The following KMT2D variants were observed in gnomAD, a reference collection of about 807,000 sequenced individuals.
The protein encoded by KMT2D is lysine methyltransferase 2D, also known as histone-lysine N-methyltransferase 2D.
KMT2D carries 55 observed loss-of-function variants against 512.7 expected under a neutral mutation model. The ratio of observed to expected loss-of-function variants is 0.11; its 90% confidence interval spans 0.09 to 0.13. The LOEUF is 0.13. KMT2D is among the 10% of genes least tolerant of loss of function. KMT2D has a pLI of 1.00. For synonymous variants in KMT2D, 2,995 were observed against 2,904.0 expected, an observed-to-expected ratio of 1.03 and a Z score of -1.01; for missense variants, 6,061 against 7,127.9, an observed-to-expected ratio of 0.85 and a Z score of 5.39.
At position 49,046,174 on chromosome 12, in the gene KMT2D, C is replaced by T. The variant is rs1195274152; in HGVS notation, c.4584G>A (p.Arg1528=). The T allele has an allele frequency of 3.1e-6, 5 of 1,611,814 alleles. No homozygotes were observed. Among genetic ancestry groups the T allele is most frequent in the African/African-American group, 1.3e-5 (1 of 75,000 alleles). Reference sequence around the variant, plus strand: ...GGCTCTCACAGCCTGCATGCATCCACCTGGAGAACAGAGACTGGAGGAAAT... The same window carrying T: ...GGCTCTCACAGCCTGCATGCATCCATCTGGAGAACAGAGACTGGAGGAAAT... ...DLLIQCRHCE[R]WMHAGCESLF... is the part of the protein sequence containing the mutation. The change falls in exon 18 of 55, where the codon CGG becomes CGA. Residue 1528 remains arginine (R), a splice_region_variant and synonymous_variant. Transcript: ENST00000301067. This position sits in a 1 kb window ranked among gnomAD's most constrained non-coding sequence, Gnocchi z 4.2.
At position 49,043,682 on chromosome 12, in the gene KMT2D, T is replaced by A. The variant is rs2120571834; in HGVS notation, c.5420A>T (p.Lys1807Met). ...CTTCCTTTCTGAGCCTCCATCTCCC[T>A]TGGCTTTTGGGGTCCCTAGTCCAAA... Reference protein sequence around the residue: ...PSFGLGTPKAKGDGGSERKEL... With the variant: ...PSFGLGTPKAMGDGGSERKEL... The change falls in exon 24 of 55, where the codon AAG (lysine) becomes ATG (methionine). Residue 1807 changes from lysine to methionine, a missense_variant. By Grantham distance (95) the Lys-to-Met change is moderately conservative (BLOSUM62 -1). Coordinates refer to ENST00000301067, the MANE Select transcript of KMT2D (RefSeq NM_003482.4). 11 of 1,614,028 alleles carry A rather than the reference T, an allele frequency of 6.8e-6. No individual in the cohort carries two copies. The highest frequency in any genetic ancestry group is 8.5e-6 in the Non-Finnish European group (10 of 1,179,876).
At position 49,046,914 on chromosome 12, in the gene KMT2D, C is replaced by T. The variant is rs12302633; in HGVS notation, c.4237-124G>A. 4 of 783,844 alleles carry T rather than the reference C, an allele frequency of 5.1e-6. No homozygotes were observed. Among genetic ancestry groups the T allele is most frequent in the Non-Finnish European group, 6.0e-6 (3 of 502,696 alleles). The allele number at this position is 783,844 out of a possible 1,614,324, so 48.6% of individuals were successfully genotyped here. ...AGGCTGGAGTGCAATGGCGCGATCTCGGCTCACTGCAACCTCTGCCTCTCA... is the reference window on the plus strand; with the variant it reads ...AGGCTGGAGTGCAATGGCGCGATCTTGGCTCACTGCAACCTCTGCCTCTCA... On this transcript the variant is annotated intron_variant, in intron 15 of 54. Transcript: ENST00000301067. The surrounding 1 kb of genome is among the most constrained non-coding windows in gnomAD (Gnocchi z 4.2).
intron 12 of KMT2D, 61 bp from the exon 13 acceptor site, chr12:49,049,279 C>G: frequency 9.6e-7 from 1 of 1,041,844 alleles, no homozygotes; most frequent in Non-Finnish European, 1.4e-6. Flanking sequence ...TGGGTTTACA[C>G]ACTTGAACAG....
rs1379896543 is a variant in KMT2D, at chr12:49,037,654, G to C, written c.9702C>G (p.Asp3234Glu). The change falls in exon 35 of 55, where the codon GAC becomes GAG. Residue 3234 changes from aspartate to glutamate, a missense_variant. This residue lies in a region of KMT2D where 533 missense variants were observed against 539.6 expected (regional missense o/e 0.99). Coordinates refer to ENST00000301067, the MANE Select transcript of KMT2D (RefSeq NM_003482.4). ...GGPAASGDELDKMESSLVASE... is the reference protein window; with the variant it reads ...GGPAASGDELEKMESSLVASE... ...TGGCTACCAGTGAGCTCTCCATCTT[G>C]TCTAGCTCATCCCCAGATGCTGCAG... is the stretch of plus-strand genomic sequence containing the variant. 6.3e-7 allele frequency: 1 copy of C among 1,578,290 alleles called. No homozygotes were observed. The highest frequency in any genetic ancestry group is 8.6e-7 in the Non-Finnish European group (1 of 1,161,838).
In KMT2D at chr12:49,032,894, CTGCTGT is replaced by C. The variant is rs1435852179; in HGVS notation, c.11805_11810del (p.Gln3938_Gln3939del). On this transcript the variant is annotated inframe_deletion, in exon 40 of 55. Transcript: ENST00000301067. Reference sequence around the variant, plus strand: ...GCTGCTGCTGTTGTTGAAGCTGCTGCTGCTGTTGCTGCTGTTGAAGCTGTTGCTGCT... The same window carrying C: ...GCTGCTGCTGTTGTTGAAGCTGCTGCTGCTGCTGTTGAAGCTGTTGCTGCT... 3.2e-6 allele frequency: 5 copies of C among 1,549,802 alleles called. No homozygotes were observed. Among genetic ancestry groups the C allele is most frequent in the Non-Finnish European group, 4.4e-6 (5 of 1,146,894 alleles).
rs776504213 is a variant in KMT2D, at chr12:49,044,553, A to T, written c.4964-31T>A. 1.9e-6 allele frequency: 3 copies of T among 1,611,190 alleles called. No homozygotes were observed. Among genetic ancestry groups the T allele is most frequent in the East Asian group, 2.2e-5 (1 of 44,872 alleles). On this transcript the variant is annotated intron_variant, in intron 20 of 54. Transcript: ENST00000301067. The surrounding 1 kb of genome is among the most constrained non-coding windows in gnomAD (Gnocchi z 6.4). ...TATGGTGACAGAAGAGATGGAGGCA[A>T]ATCAGAACTATAGGCCCTTTTAACC...
Position 49,054,396 on chromosome 12 carries a change from A to G in KMT2D, c.421T>C (p.Trp141Arg), listed in dbSNP as rs2120708807. 6.3e-7 allele frequency: 1 copy of G among 1,591,064 alleles called. No homozygotes were observed. The highest frequency in any genetic ancestry group is 8.6e-7 in the Non-Finnish European group (1 of 1,168,842). ...EPGGSCWAHH[W>R]CAAWSAGVWG... The stretch of plus-strand genomic sequence containing the variant: ...ACGCCTGCCGACCATGCAGCACACC[A>G]ATGGTGAGCCCAGCAGGACCCTTTA... The change falls in exon 5 of 55, where the codon TGG becomes CGG. Residue 141 changes from tryptophan (W) to arginine (R), a missense_variant. Coordinates refer to ENST00000301067, the MANE Select transcript of KMT2D (RefSeq NM_003482.4). The surrounding 1 kb of genome is among the most constrained non-coding windows in gnomAD (Gnocchi z 6.4).
intron 14 of KMT2D, 147 bp downstream of exon 14, chr12:49,048,512 A>T (rs1463162045): frequency 3.2e-6 from 2 of 618,884 alleles, no homozygotes; most frequent in African/African-American, 1.8e-5. Context: ...TGATGGATGG[A>T]CAAACCAATG....
At position 49,049,841 on chromosome 12, in the gene KMT2D, A is replaced by G. The variant is rs1341945125; in HGVS notation, c.3747T>C (p.Ser1249=). 1 of 1,613,840 alleles carries G rather than the reference A, an allele frequency of 6.2e-7. No individual in the cohort carries two copies. The highest frequency in any genetic ancestry group is 8.5e-7 in the Non-Finnish European group (1 of 1,179,888). ...SMELGVSTDV[S]PARDEGSLRL... is the part of the protein sequence containing the mutation. ...GTAGGGAGCCCTCATCTCGGGCTGG[A>G]CTAACATCCGTAGAGACCCCCAACT... The change falls in exon 12 of 55, where the codon AGT becomes AGC. Residue 1249 remains serine, a synonymous_variant. Coordinates refer to ENST00000301067, the MANE Select transcript of KMT2D (RefSeq NM_003482.4).
At position 49,029,238 on chromosome 12, in the gene KMT2D, T is replaced by TG. The variant is rs774852923; in HGVS notation, c.14076-3dup. On this transcript the variant is annotated splice_polypyrimidine_tract_variant and splice_region_variant and intron_variant, in intron 44 of 54. Transcript: ENST00000301067. ...TCGCTATCCTCATCACTCTCCATCC[T>TG]GGGGACCAAAAGTAGACATTTGTTG... 7 of 1,609,874 alleles carry TG rather than the reference T, an allele frequency of 4.3e-6. No individual in the cohort carries two copies. In the Admixed American group the frequency reaches 1.2e-4, roughly 27 times the overall value.
chr12:49,051,356 T>A lies in KMT2D; in HGVS notation c.2327A>T (p.Glu776Val), dbSNP rs2120668694. 6.2e-7 allele frequency: 1 copy of A among 1,607,310 alleles called. No homozygotes were observed. The highest frequency in any genetic ancestry group is 8.5e-7 in the Non-Finnish European group (1 of 1,176,744). Reference protein sequence around the residue: ...EEPHLSPQPEEPCLCAVPEEP... With the variant: ...EEPHLSPQPEVPCLCAVPEEP... ...CTCAGGCACAGCGCATAGGCATGGC[T>A]CCTCAGGCTGGGGGGACAGGTGTGG... The change falls in exon 11 of 55, where the codon GAG becomes GTG. Residue 776 changes from glutamate to valine, a missense_variant. By Grantham distance (121) the Glu-to-Val change is moderately radical. Around this residue, in one of 16 missense-constraint regions of KMT2D, gnomAD observed 848 missense variants for 838.5 expected, o/e 1.01. Transcript: ENST00000301067.
At chr12:49,036,224 G>A (rs993609572) in intron 35 of KMT2D, among the ~76,000 whole-genome samples, 16 of 151,670 alleles carry the variant, frequency 1.1e-4, no homozygotes, top group Non-Finnish European at 1.5e-4. Context: ...GTTTACTCCA[G>A]CCTAACCAAT....
rs1942244307 is a variant in KMT2D, at chr12:49,020,231, G to A, written c.*1549C>T. The stretch of plus-strand genomic sequence containing the variant: ...TAACATAGTCCAACTATACAACAGG[G>A]GGTGGGAATTGCCCAGCCTCTATAC... On this transcript the variant is annotated 3_prime_UTR_variant, in exon 55 of 55. Coordinates refer to ENST00000301067, the MANE Select transcript of KMT2D (RefSeq NM_003482.4). 1 of 176,002 alleles carries A rather than the reference G, an allele frequency of 5.7e-6. No individual in the cohort carries two copies. The highest frequency in any genetic ancestry group is 2.0e-4 in the South Asian group (1 of 4,998). 10.9% of individuals were successfully genotyped at this position (176,002 alleles called of 1,614,324 possible).
rs551404784 is a variant in KMT2D at position 49,029,126 on chromosome 12, C to T, written c.14186G>A (p.Arg4729Gln). Residue 4729 changes from arginine (R) to glutamine (Q), a missense_variant, in exon 45 of 55, where the codon CGG (arginine) becomes CAG (glutamine). Coordinates refer to ENST00000301067, the MANE Select transcript of KMT2D (RefSeq NM_003482.4). ...GAGGGCCCGGTCCTCTTGCTCCCAC[C>T]GGCCTGAGCCCAGATGAGGGAAACG... ...APRFPHLGSGRWEQEDRALSP... is the reference protein window; with the variant it reads ...APRFPHLGSGQWEQEDRALSP... 18 of 1,613,324 alleles carry T rather than the reference C, an allele frequency of 1.1e-5. No individual in the cohort carries two copies. Among genetic ancestry groups the T allele is most frequent in the Admixed American group, 5.0e-5 (3 of 59,996 alleles).
Position 49,040,928 on chromosome 12 carries a change from G to T in KMT2D, c.6842C>A (p.Ser2281Tyr). The T allele has an allele frequency of 6.2e-7, 1 of 1,613,730 alleles. No homozygotes were observed. Among genetic ancestry groups the T allele is most frequent in the Non-Finnish European group, 8.5e-7 (1 of 1,179,722 alleles). The change falls in exon 32 of 55, where the codon TCC (serine) becomes TAC (tyrosine). Residue 2281 changes from serine (S) to tyrosine (Y), a missense_variant. By Grantham distance (144) the Ser-to-Tyr change is moderately radical (BLOSUM62 -2). This residue lies in a region of KMT2D where 710 missense variants were observed against 647.3 expected (regional missense o/e 1.10). Coordinates refer to ENST00000301067, the MANE Select transcript of KMT2D (RefSeq NM_003482.4). ...PLLSPPPFGE[S>Y]RKALEVKKEE... ...CTTCTTCACCTCTAGGGCCTTCCGG[G>T]ACTCCCCAAAAGGTGGGGGCGAGAG...
rs770835064 is a variant in KMT2D at position 49,043,921 on chromosome 12, G to T, written c.5266C>A (p.Arg1756=). ...AEGDEKKKQQ[R]RGRKKSKLED... is the part of the protein sequence containing the mutation. ...AGTTTGCTCTTCTTGCGCCCTCGCC[G>T]CTGTTGCTTCTTCTTCTCATCCCCT... Residue 1756 remains arginine (R), a synonymous_variant, in exon 23 of 55, where the codon CGG becomes AGG. Transcript: ENST00000301067. 3.1e-6 allele frequency: 5 copies of T among 1,613,934 alleles called. No individual in the cohort carries two copies. The East Asian group carries it at 1.1e-4, about 36-fold the overall frequency.
rs2120666395 is a variant in KMT2D, at chr12:49,051,249, C to T, written c.2434G>A (p.Glu812Lys). The change falls in exon 11 of 55, where the codon GAG becomes AAG. Residue 812 changes from glutamate (E) to lysine (K), a missense_variant. Coordinates refer to ENST00000301067, the MANE Select transcript of KMT2D (RefSeq NM_003482.4). ...EELHLSPQTE[E>K]PHLSPVPEEP... ...TCAGGCACAGGAGACAGGTGCGGCT[C>T]CTCAGTCTGGGGGGACAGGTGCAAT... 1 of 1,535,758 alleles carries T rather than the reference C, an allele frequency of 6.5e-7. No homozygotes were observed. The highest frequency in any genetic ancestry group is 1.3e-5 in the South Asian group (1 of 78,708).
chr12:49,027,545 G>T (rs950682516), intron 48 of KMT2D, among the ~76,000 whole-genome samples: 3 of 152,070 alleles, frequency 2.0e-5, no homozygotes, highest in Non-Finnish European at 2.9e-5. Context: ...TGCCTCCTGG[G>T]TTCAAGGGAT....
In KMT2D at chr12:49,038,752, C is replaced by T. The variant is rs751130682; in HGVS notation, c.8604G>A (p.Val2868=). The change falls in exon 35 of 55, where the codon GTG becomes GTA. Residue 2868 remains valine (V), a synonymous_variant. Coordinates refer to ENST00000301067, the MANE Select transcript of KMT2D (RefSeq NM_003482.4). The surrounding 1 kb of genome is among the most constrained non-coding windows in gnomAD (Gnocchi z 5.7). ...STRLPGPGEP[V]PGPAGPAQFI... ...ACTGGGCAGGACCAGCTGGACCAGG[C>T]ACTGGCTCACCAGGGCCTGGCAGAC... The T allele has an allele frequency of 1.7e-5, 28 of 1,605,686 alleles. No individual in the cohort carries two copies. The East Asian group carries it at 6.1e-4, about 35-fold the overall frequency.
Sources: gnomAD v4.1 joint callset for allele counts (sites outside exome capture counted in the v4.1 genomes callset) on GRCh38, gnomAD v4.1.1 for gene constraint, gnomAD v4.1.1 regional missense constraint, Gnocchi (gnomAD v3.1) non-coding constraint, MANE v1.5 for transcripts, NCBI Gene and HGNC (gene_info 2026-07-23, HGNC 2026-07-21) for gene names.